LINGO2: variants seen among roughly 807,000 people sequenced by gnomAD.
The protein encoded by LINGO2 is leucine-rich repeat and immunoglobulin-like domain-containing nogo receptor-interacting protein 2.
LINGO2 carries 14 observed loss-of-function variants against 30.6 expected under a neutral mutation model. The ratio of observed to expected loss-of-function variants is 0.46; its 90% confidence interval spans 0.30 to 0.72. LINGO2 has a LOEUF of 0.72. Among genes scored for constraint, LINGO2 ranks in the 30% least tolerant of loss-of-function variants. The pLI is 0.07. For synonymous variants in LINGO2, 317 were observed against 288.5 expected, an observed-to-expected ratio of 1.10 and a Z score of -1.00; for missense variants, 729 against 751.7, an observed-to-expected ratio of 0.97 and a Z score of 0.35.
At chr9:28,672,452 A>G (rs1340261488), upstream of LINGO2, among the ~76,000 whole-genome samples, 1 of 152,196 alleles carries the variant, frequency 6.6e-6, no homozygotes, top group African/African-American at 2.4e-5. Context: ...AGGCACTTTC[A>G]TATGCATATC....
intron 4 of LINGO2, among the ~76,000 whole-genome samples, chr9:28,230,699 T>A (rs996454410): frequency 6.6e-6 from 1 of 151,942 alleles, no homozygotes; most frequent in African/African-American, 2.4e-5. Flanking sequence ...TGCAAATTAA[T>A]TTGTAAATAA....
the LINGO2 span, among the ~76,000 whole-genome samples, chr9:29,140,708 T>A: frequency 6.6e-6 from 1 of 151,550 alleles, no homozygotes; most frequent in Non-Finnish European, 1.5e-5. Flanking sequence ...GTAAAGAAGA[T>A]CATATCATGT....
chr9:28,464,813 G>C (rs1459741985), intron 2 of LINGO2, among the ~76,000 whole-genome samples: 1 of 152,110 alleles, frequency 6.6e-6, no homozygotes, highest in Non-Finnish European at 1.5e-5. Context: ...TAGATTTCTT[G>C]AGCAACACCC....
At chr9:28,857,393 T>C in the LINGO2 span, among the ~76,000 whole-genome samples, 2 of 152,086 alleles carry the variant, frequency 1.3e-5, no homozygotes, top group Non-Finnish European at 2.9e-5. Flanking sequence ...TTTCTGTTCA[T>C]AACAGCTTTA....
At chr9:28,088,203 T>TACACAC (rs56044203) in intron 4 of LINGO2, among the ~76,000 whole-genome samples, 2 of 148,506 alleles carry the variant, frequency 1.3e-5, no homozygotes, top group African/African-American at 4.9e-5. Context: ...TATATAATTA[T>TACACAC]ACACACACAC....
chr9:28,489,996 T>G (rs867307083), intron 1 of LINGO2, among the ~76,000 whole-genome samples: 63 of 152,116 alleles, frequency 4.1e-4, no homozygotes, highest in African/African-American at 1.4e-3. Context: ...AGACCAATAT[T>G]TATATAATCT....
the LINGO2 span, among the ~76,000 whole-genome samples, chr9:28,758,146 C>G: frequency 2.0e-5 from 3 of 152,116 alleles, no homozygotes; most frequent in South Asian, 6.2e-4. Context: ...TATACTGATT[C>G]CCTTTATTAT....
rs888217027 is a variant in LINGO2, at chr9:28,553,802, G to A, written c.-364-77777C>T. 7.2e-5 allele frequency among the ~76,000 whole-genome samples: 11 copies of A among 152,080 alleles called. No individual in the cohort carries two copies. In the East Asian group the frequency reaches 7.8e-4, roughly 11 times the overall value. On this transcript the variant is annotated intron_variant, in intron 1 of 5. Transcript: ENST00000379992. ...CCATCAGACTAACAGCGGATCTCTC[G>A]GCAGAAACCCTACAAGCCAGAAGAG...
chr9:28,225,265 T>C (rs915160820), intron 4 of LINGO2, among the ~76,000 whole-genome samples: 3 of 152,188 alleles, frequency 2.0e-5, no homozygotes, highest in African/African-American at 7.2e-5. Context: ...TATTAAAGGG[T>C]ATAACATGTT....
chr9:27,966,861 C>CA, intron 5 of LINGO2, among the ~76,000 whole-genome samples: 1 of 152,096 alleles, frequency 6.6e-6, no homozygotes. Context: ...CGTGTGCCTA[C>CA]GGAGAACAAC....
At chr9:28,246,684 T>C (rs1397269508) in intron 4 of LINGO2, among the ~76,000 whole-genome samples, 1 of 152,034 alleles carries the variant, frequency 6.6e-6, no homozygotes, top group Non-Finnish European at 1.5e-5. Flanking sequence ...ATTCAGGACA[T>C]AGGCATGGGA....
intron 4 of LINGO2, among the ~76,000 whole-genome samples, chr9:28,047,448 C>T (rs140921031): frequency 5.9e-5 from 9 of 151,420 alleles, no homozygotes; most frequent in Middle Eastern, 3.4e-3. Flanking sequence ...TTAACTATAG[C>T]ACAGTAACTT....
At chr9:28,943,885 G>A in the LINGO2 span, among the ~76,000 whole-genome samples, 1 of 152,112 alleles carries the variant, frequency 6.6e-6, no homozygotes, top group Non-Finnish European at 1.5e-5. Context: ...GAATCTTGTC[G>A]AGCTAAGATT....
At chr9:28,861,715 G>A in the LINGO2 span, among the ~76,000 whole-genome samples, 1 of 151,930 alleles carries the variant, frequency 6.6e-6, no homozygotes, top group Non-Finnish European at 1.5e-5. Flanking sequence ...AGTGAGCTAT[G>A]ATTGCACCAC....
At chr9:28,004,611 A>G (rs1822166286) in intron 5 of LINGO2, among the ~76,000 whole-genome samples, 1 of 150,108 alleles carries the variant, frequency 6.7e-6, no homozygotes, top group Non-Finnish European at 1.5e-5. Context: ...ATAGTTGATA[A>G]ATAGTGTGAT....
chr9:28,327,677 A>T (rs10968509), intron 3 of LINGO2, among the ~76,000 whole-genome samples: 3,058 of 152,272 alleles, frequency 0.02, 45 homozygotes, highest in Non-Finnish European at 0.029. Flanking sequence ...TTGTGCTAAC[A>T]TCTAATTGAT....
chr9:28,232,597 T>A (rs1322813190), intron 4 of LINGO2, among the ~76,000 whole-genome samples: 1 of 152,076 alleles, frequency 6.6e-6, no homozygotes, highest in East Asian at 1.9e-4. Context: ...ACATAACTCA[T>A]CATTATTTTG....
At chr9:28,397,685 C>A (rs1176724913) in intron 2 of LINGO2, among the ~76,000 whole-genome samples, 1 of 151,458 alleles carries the variant, frequency 6.6e-6, no homozygotes, top group East Asian at 2.0e-4. Flanking sequence ...GTAGCTGGGA[C>A]TACAGGTGCC....
intron 4 of LINGO2, among the ~76,000 whole-genome samples, chr9:28,191,775 C>T (rs1230413517): frequency 6.6e-6 from 1 of 152,092 alleles, no homozygotes; most frequent in East Asian, 1.9e-4. Flanking sequence ...CTCCTTCTTT[C>T]TTGAAACATT....
Sources: allele counts gnomAD v4.1 joint callset (sites outside exome capture counted in the v4.1 genomes callset), GRCh38; gene constraint gnomAD v4.1.1; transcripts MANE v1.5; gene names NCBI Gene and HGNC (gene_info 2026-07-23, HGNC 2026-07-21).